POMGNT1: variants seen among roughly 807,000 people sequenced by gnomAD.
POMGNT1 encodes protein O-linked mannose N-acetylglucosaminyltransferase 1 (beta 1,2-), also known as protein O-linked-mannose beta-1,2-N-acetylglucosaminyltransferase 1.
Under a neutral mutation model 95.6 loss-of-function variants are expected in POMGNT1, and 67 were observed. The ratio of observed to expected loss-of-function variants is 0.70; its 90% CI spans 0.58 to 0.86. The LOEUF is 0.86. Among genes scored for constraint, POMGNT1 ranks in the 40% least tolerant of loss-of-function variants. The pLI is 0.00. For missense variants in POMGNT1, 719 were observed against 855.2 expected, an observed-to-expected ratio of 0.84 and a Z score of 1.99; for synonymous variants, 298 against 317.9, an observed-to-expected ratio of 0.94 and a Z score of 0.66.
At chr1:46,192,709 C>T (rs1383993170) in intron 14 of POMGNT1, 119 bp from the exon 15 acceptor site, 61 of 1,596,998 alleles carry the variant, frequency 3.8e-5, no homozygotes, top group Admixed American at 5.1e-5. Context: ...TACCTCCTTC[C>T]CCCAAATCCC....
chr1:46,202,608 T>A (rs1202410395), upstream of POMGNT1, among the ~76,000 whole-genome samples: 2 of 147,738 alleles, frequency 1.4e-5, no homozygotes. Context: ...GGCAGGAGAA[T>A]TGCTTGAACC....
chr1:46,194,649 G>C lies in POMGNT1; in HGVS notation c.655C>G (p.Pro219Ala). The change falls in exon 8 of 22, where the codon CCT becomes GCT. Residue 219 changes from proline to alanine, a missense_variant and splice_region_variant. Physicochemically the swap from Pro to Ala is conservative, Grantham distance 27. Coordinates refer to ENST00000371984, the MANE Select transcript of POMGNT1 (RefSeq NM_017739.4). ...TTAGAATGTTTCTCCCCGAAGACAG[G>C]ACCTGGCAGGAGGCAGGAATGAGGG... Reference protein sequence around the residue: ...TWAFVGRKGGPVFGEKHSKSP... With the variant: ...TWAFVGRKGGAVFGEKHSKSP... 3 of 1,614,244 alleles carry C rather than the reference G, an allele frequency of 1.9e-6. No homozygotes were observed. The highest frequency in any genetic ancestry group is 2.5e-6 in the Non-Finnish European group (3 of 1,180,032).
In POMGNT1 at chr1:46,219,976, A is replaced by G. The variant is rs952470589; in HGVS notation, c.-322T>C. On this transcript the variant is annotated 5_prime_UTR_variant, in exon 1 of 23. Transcript: ENST00000371992. ...GTGGCCCCCAGCGAGCTGGATGAAC[A>G]GGGCCCACCTGGGGCTCCACGTTCC... The G allele has an allele frequency of 2.5e-6, 4 of 1,614,260 alleles. No homozygotes were observed.
In POMGNT1 at chr1:46,197,831, G is replaced by C; in HGVS notation, c.-10C>G. On this transcript the variant is annotated 5_prime_UTR_variant, in exon 2 of 22. Transcript: ENST00000371984. ...GCTTCCAGTCGTCCATACCGGATTG[G>C]CGGGTCACCAATGTCCTGGCCAGCC... is the stretch of plus-strand genomic sequence containing the variant. 1 of 1,613,858 alleles carries C rather than the reference G, an allele frequency of 6.2e-7. No individual in the cohort carries two copies. Among genetic ancestry groups the C allele is most frequent in the Non-Finnish European group, 8.5e-7 (1 of 1,180,018 alleles).
upstream of POMGNT1, among the ~76,000 whole-genome samples, chr1:46,202,920 G>GTGGTGTGTGTGTGT (rs540959987): frequency 1.7e-4 from 11 of 64,514 alleles, 1 homozygote; most frequent in East Asian, 3.8e-3. Context: ...GGGGGGGGGT[G>GTGGTGTGTGTGTGT]GTGTGTGTGT....
rs1308358993 is a variant in POMGNT1 at position 46,190,705 on chromosome 1, G to A, written c.1604+15C>T. On this transcript the variant is annotated intron_variant, in intron 18 of 21. Transcript: ENST00000371984. ...CTCCTAGATATCCACCCCTTGCCCTGCTGCCAGCCCCAACCTGTCCACATT... is the reference window on the plus strand; with the variant it reads ...CTCCTAGATATCCACCCCTTGCCCTACTGCCAGCCCCAACCTGTCCACATT... The A allele has an allele frequency of 6.2e-7, 1 of 1,609,782 alleles. No homozygotes were observed. The highest frequency in any genetic ancestry group is 8.5e-7 in the Non-Finnish European group (1 of 1,176,894).
chr1:46,198,904 CACA>C (rs1474592383), upstream of POMGNT1, among the ~76,000 whole-genome samples: 3 of 152,138 alleles, frequency 2.0e-5, no homozygotes, highest in Non-Finnish European at 2.9e-5. Context: ...TGTTTAATTC[CACA>C]ACAACCCCAT....
intron 6 of POMGNT1, 58 bp downstream of exon 6, chr1:46,195,753 G>T: frequency 1.4e-6 from 2 of 1,466,496 alleles, no homozygotes; most frequent in Non-Finnish European, 1.9e-6. Context: ...AGAAGCCGGG[G>T]CTAGAAGCAG....
chr1:46,194,125 CCCAG>C, intron 9 of POMGNT1, 145 bp downstream of exon 9: 5 of 1,542,406 alleles, frequency 3.2e-6, no homozygotes, highest in Non-Finnish European at 4.4e-6. Flanking sequence ...GCCCCTTCAC[CCCAG>C]CCCTGTCTTT....
At position 46,194,638 on chromosome 1, in the gene POMGNT1, C is replaced by T. The variant is rs1414767462; in HGVS notation, c.666G>A (p.Gly222=). ...FVGRKGGPVF[G]EKHSKSPALS... is the part of the protein sequence containing the mutation. ...GGGCAGGTGATTTAGAATGTTTCTC[C>T]CCGAAGACAGGACCTGGCAGGAGGC... The change falls in exon 8 of 22, where the codon GGG becomes GGA. Residue 222 remains glycine, a synonymous_variant. Coordinates refer to ENST00000371984, the MANE Select transcript of POMGNT1 (RefSeq NM_017739.4). 1 of 1,614,118 alleles carries T rather than the reference C, an allele frequency of 6.2e-7. No homozygotes were observed. Among genetic ancestry groups the T allele is most frequent in the African/African-American group, 1.3e-5 (1 of 74,952 alleles).
intron 1 of POMGNT1, among the ~76,000 whole-genome samples, chr1:46,216,561 C>T (rs1659077989): frequency 6.6e-6 from 1 of 152,102 alleles, no homozygotes; most frequent in Admixed American, 6.6e-5. Flanking sequence ...AGGCTGATCT[C>T]AAACTCCTAG....
rs113174528 is a variant in POMGNT1, at chr1:46,189,428, T to C, written c.1895+30A>G. On this transcript the variant is annotated intron_variant, in intron 21 of 21. Transcript: ENST00000371984. ...TATCCCTGGATCTCACTAGGCCTCC[T>C]GTTTCCCAGGGCAGAAAAGGGTCAC... 0.028 allele frequency: 44,810 copies of C among 1,613,462 alleles called. 1,277 individuals carry two copies. Among genetic ancestry groups the C allele is most frequent in the African/African-American group, 0.13 (9,868 of 75,004 alleles).
intron 1 of POMGNT1, among the ~76,000 whole-genome samples, chr1:46,217,115 G>T (rs1571691826): frequency 6.6e-6 from 1 of 152,294 alleles, no homozygotes; most frequent in East Asian, 1.9e-4. Flanking sequence ...AGAAGATATG[G>T]AATCTAAGAA....
chr1:46,193,324 T>C lies in POMGNT1; in HGVS notation c.1091A>G (p.Lys364Arg), dbSNP rs1557673272. The C allele has an allele frequency of 1.2e-6, 2 of 1,613,758 alleles. No homozygotes were observed. The highest frequency in any genetic ancestry group is 2.2e-5 in the South Asian group (2 of 90,972). ...RGIQHTPISI[K>R]NARVSQHYKA... is the part of the protein sequence containing the mutation. ...CAGTACCTGAGACACGCGGGCATTC[T>C]TGATGCTGATGGGAGTATGCTGGAT... The change falls in exon 12 of 22, where the codon AAG (lysine) becomes AGG (arginine). Residue 364 changes from lysine to arginine, a missense_variant. Coordinates refer to ENST00000371984, the MANE Select transcript of POMGNT1 (RefSeq NM_017739.4).
rs1658238487 is a variant in POMGNT1, at chr1:46,196,327, G to A, written c.355-250C>T. Among the ~76,000 whole-genome samples, 1 of 152,184 alleles carries A rather than the reference G, an allele frequency of 6.6e-6. No homozygotes were observed. Among genetic ancestry groups the A allele is most frequent in the Non-Finnish European group, 1.5e-5 (1 of 68,046 alleles). ...TTTCATGGCTCTTAGAGCCTCTGCT[G>A]TCTCTGCTTCATCCTGGAAGTATCA... On this transcript the variant is annotated intron_variant, in intron 4 of 21. Coordinates refer to ENST00000371984, the MANE Select transcript of POMGNT1 (RefSeq NM_017739.4). The surrounding 1 kb of genome is among the most constrained non-coding windows in gnomAD (Gnocchi z 4.4).
intron 2 of POMGNT1, 89 bp from the exon 3 acceptor site, chr1:46,197,173 G>A: frequency 6.2e-7 from 1 of 1,607,550 alleles, no homozygotes; most frequent in Non-Finnish European, 8.5e-7. Context: ...CTGCAGTGAA[G>A]ACATCCAGAG....
intron 2 of POMGNT1, 54 bp downstream of exon 2, chr1:46,197,648 G>A: frequency 1.9e-6 from 3 of 1,610,736 alleles, no homozygotes; most frequent in Non-Finnish European, 1.7e-6. Flanking sequence ...GATTTAGGTG[G>A]GGAGGAAGCT....
Position 46,188,808 on chromosome 1 carries a change from T to C in POMGNT1, c.*462A>G. The stretch of plus-strand genomic sequence containing the variant: ...GTCTCTGAGTGAGTCTGTGTCAGCA[T>C]GTGGGCCCCAGCTGGGCCTGTCCAT... On this transcript the variant is annotated 3_prime_UTR_variant, in exon 22 of 22. Coordinates refer to ENST00000371984, the MANE Select transcript of POMGNT1 (RefSeq NM_017739.4). 1 of 1,612,884 alleles carries C rather than the reference T, an allele frequency of 6.2e-7. No homozygotes were observed. Among genetic ancestry groups the C allele is most frequent in the Non-Finnish European group, 8.5e-7 (1 of 1,179,892 alleles).
Position 46,203,728 on chromosome 1 carries a change from T to G in POMGNT1, c.-50-5857A>C, listed in dbSNP as rs1658623198. The G allele has an allele frequency of 2.7e-6, 3 of 1,130,874 alleles. No homozygotes were observed. In the African/African-American group the frequency reaches 4.8e-5, roughly 18 times the overall value. 70.1% of individuals were successfully genotyped at this position (1,130,874 alleles called of 1,614,324 possible). ...AAGCTGGAGAGGAGGTAGTTAAAACTCTCCACCTAACTGCTCAGAATCCCT... is the reference window on the plus strand; with the variant it reads ...AAGCTGGAGAGGAGGTAGTTAAAACGCTCCACCTAACTGCTCAGAATCCCT... On this transcript the variant is annotated intron_variant, in intron 1 of 22. Transcript: ENST00000371992.
Sources: gnomAD v4.1 joint callset for allele counts (sites outside exome capture counted in the v4.1 genomes callset) on GRCh38, gnomAD v4.1.1 for gene constraint, Gnocchi (gnomAD v3.1) non-coding constraint, MANE v1.5 for transcripts, NCBI Gene and HGNC (gene_info 2026-07-23, HGNC 2026-07-21) for gene names.